ERCC8: variants seen among roughly 807,000 people sequenced by gnomAD.
ERCC8 encodes the protein DNA excision repair protein ERCC-8.
A neutral mutation model predicts 54.9 loss-of-function variants in ERCC8; 52 were observed. The observed-to-expected ratio is 0.95, with a 90% CI of 0.76 to 1.19. ERCC8 has a LOEUF of 1.19. ERCC8 is among the 50% of genes most tolerant of loss of function. The pLI is 0.00. For synonymous variants in ERCC8, 146 were observed against 157.2 expected, an observed-to-expected ratio of 0.93 and a Z score of 0.53; for missense variants, 514 against 466.1, an observed-to-expected ratio of 1.10 and a Z score of -0.95.
At chr5:60,875,194 T>C (rs185423188) in intron 11 of ERCC8, among the ~76,000 whole-genome samples, 4 of 152,360 alleles carry the variant, frequency 2.6e-5, no homozygotes, top group Admixed American at 1.3e-4. Flanking sequence ...ATACCATTTT[T>C]AGTCCAAAAA....
At chr5:60,943,680 T>C (rs980355437) in intron 1 of ERCC8, among the ~76,000 whole-genome samples, 1 of 152,102 alleles carries the variant, frequency 6.6e-6, no homozygotes, top group Non-Finnish European at 1.5e-5. Flanking sequence ...GAAACTTGCA[T>C]TAAACATAAA....
rs552725451 is a variant in ERCC8 at position 60,935,524 on chromosome 5, T to C, written c.78-6565A>G. 1.9e-3 allele frequency among the ~76,000 whole-genome samples: 282 copies of C among 152,298 alleles called. 1 individual carries two copies. Among genetic ancestry groups the C allele is most frequent in the African/African-American group, 6.1e-3 (252 of 41,554 alleles). On this transcript the variant is annotated intron_variant, in intron 1 of 11. Transcript: ENST00000676185. ...TCCTCTTTACTGATTTGGGTGTCCT[T>C]GATTTCTTTCTCTTGTCTGATTGCT...
chr5:60,887,018 A>T (rs1281915195), intron 11 of ERCC8, among the ~76,000 whole-genome samples: 1 of 152,222 alleles, frequency 6.6e-6, no homozygotes, highest in Admixed American at 6.5e-5. Flanking sequence ...AAAGTGAGAT[A>T]CCAAGTTGAA....
At chr5:60,894,144 C>T (rs1748655011) in intron 9 of ERCC8, among the ~76,000 whole-genome samples, 1 of 151,926 alleles carries the variant, frequency 6.6e-6, no homozygotes, top group South Asian at 2.1e-4. Flanking sequence ...GCCACCACGC[C>T]CGGCTAATTT....
intron 4 of ERCC8, among the ~76,000 whole-genome samples, chr5:60,906,560 C>A (rs906336558): frequency 2.0e-5 from 3 of 151,840 alleles, no homozygotes; most frequent in Non-Finnish European, 4.4e-5. Flanking sequence ...GAAACTCCGT[C>A]TCTACTTAAA....
chr5:60,881,022 T>C (rs976080980), intron 11 of ERCC8, among the ~76,000 whole-genome samples: 84 of 152,152 alleles, frequency 5.5e-4, no homozygotes, highest in Non-Finnish European at 7.2e-4. Context: ...TTGATGATGG[T>C]GACGTACAGA....
chr5:60,884,711 T>G (rs186398817), intron 11 of ERCC8, among the ~76,000 whole-genome samples: 80 of 152,154 alleles, frequency 5.3e-4, no homozygotes, highest in African/African-American at 1.9e-3. Flanking sequence ...ATCACATTCA[T>G]GTTCTGCCTA....
chr5:60,945,036 T>C lies in ERCC8; in HGVS notation c.-28A>G, dbSNP rs561820700. The stretch of plus-strand genomic sequence containing the variant: ...CGTGTCCTCACACCGGCTGGAGCAC[T>C]GGACGTCGCCATGACAGAGCTCAGG... On this transcript the variant is annotated 5_prime_UTR_variant, in exon 1 of 12. Coordinates refer to ENST00000676185, the MANE Select transcript of ERCC8 (RefSeq NM_000082.4). The C allele has an allele frequency of 2.5e-6, 4 of 1,598,744 alleles. No individual in the cohort carries two copies. The highest frequency in any genetic ancestry group is 2.7e-5 in the African/African-American group (2 of 74,594).
rs181536191 is a variant in ERCC8, at chr5:60,873,971, C to A, written c.*644G>T. On this transcript the variant is annotated 3_prime_UTR_variant, in exon 12 of 12. Transcript: ENST00000676185. The stretch of plus-strand genomic sequence containing the variant: ...CACAGAAAAAGAGTTCAAGCATTAG[C>A]GCAAACTGCCTTCTGACATTAAAAT... 6.6e-6 allele frequency: 1 copy of A among 152,078 alleles called. No individual in the cohort carries two copies. The highest frequency in any genetic ancestry group is 2.4e-5 in the African/African-American group (1 of 41,416). The allele number at this position is 152,078 out of a possible 1,614,324, so 9.4% of individuals were successfully genotyped here. A position where few individuals can be genotyped will look rare whatever the true frequency, so the allele number is the denominator to read the frequency against.
chr5:60,915,128 T>C (rs1342523132), intron 4 of ERCC8: 2 of 152,056 alleles, frequency 1.3e-5, no homozygotes, highest in Non-Finnish European at 2.9e-5. Flanking sequence ...TTTTTTCCTC[T>C]TGAAGCATTT....
At chr5:60,886,160 C>G (rs1412488394) in intron 11 of ERCC8, among the ~76,000 whole-genome samples, 1 of 151,670 alleles carries the variant, frequency 6.6e-6, no homozygotes, top group Non-Finnish European at 1.5e-5. Flanking sequence ...GGAGAATAAA[C>G]CTTGGTGGGA....
intron 2 of ERCC8, among the ~76,000 whole-genome samples, chr5:60,925,890 C>G (rs1749733498): frequency 6.6e-6 from 1 of 152,146 alleles, no homozygotes; most frequent in Admixed American, 6.6e-5. Context: ...GTGGCATGAT[C>G]TCGGCTCACT....
In ERCC8 at chr5:60,866,762, T is replaced by C. The variant is rs988915842; in HGVS notation, c.*7853A>G. 5 of 151,518 alleles carry C rather than the reference T, an allele frequency of 3.3e-5. No individual in the cohort carries two copies. The highest frequency in any genetic ancestry group is 1.2e-4 in the African/African-American group (5 of 40,776). 9.4% of individuals were successfully genotyped at this position (151,518 alleles called of 1,614,324 possible). A position where few individuals can be genotyped will look rare whatever the true frequency, so the allele number is the denominator to read the frequency against. ...AGCCTCTAATTATTTATGCATACCA[T>C]TTTTAAATGCTTTAGAAAATATGAT... is the stretch of plus-strand genomic sequence containing the variant. On this transcript the variant is annotated 3_prime_UTR_variant, in exon 12 of 12. Transcript: ENST00000676185.
chr5:60,884,133 A>G (rs1748323878), intron 11 of ERCC8, among the ~76,000 whole-genome samples: 1 of 152,266 alleles, frequency 6.6e-6, no homozygotes, highest in Admixed American at 6.5e-5. Flanking sequence ...CCCAGATCAT[A>G]AGTAGAATAA....
At chr5:60,905,356 G>A (rs1178843152) in intron 4 of ERCC8, among the ~76,000 whole-genome samples, 1 of 152,084 alleles carries the variant, frequency 6.6e-6, no homozygotes, top group Admixed American at 6.5e-5. Flanking sequence ...CAAGAAATCT[G>A]AATAAACTCT....
intron 10 of ERCC8, among the ~76,000 whole-genome samples, chr5:60,890,606 T>C (rs898872123): frequency 2.6e-5 from 4 of 152,214 alleles, no homozygotes; most frequent in Non-Finnish European, 5.9e-5. Context: ...TTTCAAGAAA[T>C]TATTTTAATT....
intron 2 of ERCC8, among the ~76,000 whole-genome samples, chr5:60,923,971 G>A (rs1163263030): frequency 6.6e-6 from 1 of 151,954 alleles, no homozygotes; most frequent in Non-Finnish European, 1.5e-5. Flanking sequence ...TCACCTTAGA[G>A]TGTACACATG....
At chr5:60,883,491 T>C (rs6449510) in intron 11 of ERCC8, among the ~76,000 whole-genome samples, 129,443 of 151,852 alleles carry the variant, frequency 0.85, 55,644 homozygotes, top group African/African-American at 0.96. Flanking sequence ...TGACAGATAG[T>C]GTCAATGTTA....
In ERCC8 at chr5:60,901,846, C is replaced by A. The variant is rs998520626; in HGVS notation, c.617+596G>T. 5.3e-5 allele frequency among the ~76,000 whole-genome samples: 8 copies of A among 152,116 alleles called. 1 individual carries two copies. Among genetic ancestry groups the A allele is most frequent in the Admixed American group, 6.6e-5 (1 of 15,250 alleles). ...CTCTTTTTCTCCAGCAAAAAATAAA[C>A]CTCCCCACATCTTTTGATCCTCTCA... is the stretch of plus-strand genomic sequence containing the variant. On this transcript the variant is annotated intron_variant, in intron 7 of 11. Coordinates refer to ENST00000676185, the MANE Select transcript of ERCC8 (RefSeq NM_000082.4).
Sources: allele counts gnomAD v4.1 joint callset (sites outside exome capture counted in the v4.1 genomes callset), GRCh38; gene constraint gnomAD v4.1.1; transcripts MANE v1.5; gene names NCBI Gene and HGNC (gene_info 2026-07-23, HGNC 2026-07-21).